The following PARM1 variants were observed in gnomAD, a reference collection of about 807,000 sequenced individuals.
The protein encoded by PARM1 is WSC4, cell wall integrity and stress response component 4 homolog.
In PARM1, 14 loss-of-function variants were observed where a neutral mutation model predicts 24.6. The observed-to-expected ratio is 0.57, with a 90% CI of 0.38 to 0.89. The LOEUF (loss-of-function observed/expected upper bound fraction) is 0.89, where lower values mean the gene tolerates loss of function less well. Among genes scored for constraint, PARM1 ranks in the 40% least tolerant of loss-of-function variants. The pLI, the probability that PARM1 is intolerant of heterozygous loss-of-function variation, is 0.00. For missense variants in PARM1, 362 were observed against 380.4 expected (o/e 0.95, Z 0.40); for synonymous variants, 179 against 156.6 (o/e 1.14, Z -1.07).
At chr4:75,035,204 C>T (rs931123745) in intron 3 of PARM1, among the ~76,000 whole-genome samples, 1 of 152,166 alleles carries the variant, frequency 6.6e-6, no homozygotes, top group Non-Finnish European at 1.5e-5. Context: ...TAAGTCTATC[C>T]TGGATGTGAC....
intron 1 of PARM1, among the ~76,000 whole-genome samples, chr4:74,951,693 T>G (rs1235182519): frequency 6.6e-6 from 1 of 152,124 alleles, no homozygotes; most frequent in African/African-American, 2.4e-5. Context: ...GGTGTTTGGT[T>G]TTCTGTTCCT....
At chr4:75,023,196 G>A (rs1578054565) in intron 2 of PARM1, among the ~76,000 whole-genome samples, 1 of 152,342 alleles carries the variant, frequency 6.6e-6, no homozygotes, top group African/African-American at 2.4e-5. Flanking sequence ...AGGCAAGAAT[G>A]TTAGTAACAG....
At chr4:74,971,113 T>A (rs568616190) in intron 1 of PARM1, among the ~76,000 whole-genome samples, 1 of 152,140 alleles carries the variant, frequency 6.6e-6, no homozygotes, top group Non-Finnish European at 1.5e-5. Context: ...ACAGGGCAAA[T>A]AAAGACATAT....
chr4:74,982,068 G>C (rs139402972), intron 1 of PARM1, among the ~76,000 whole-genome samples: 145 of 152,190 alleles, frequency 9.5e-4, no homozygotes, highest in African/African-American at 3.3e-3. Context: ...TGATAGACTA[G>C]ATAATGAAAA....
In PARM1 at chr4:74,993,920, C is replaced by T. The variant is rs183597313; in HGVS notation, c.44-18505C>T. ...GGTACTTTATTATACATCAATTATACCTCAAAAAATATAAATAAAAGTCTA... is the reference window on the plus strand; with the variant it reads ...GGTACTTTATTATACATCAATTATATCTCAAAAAATATAAATAAAAGTCTA... On this transcript the variant is annotated intron_variant, in intron 1 of 3. Coordinates refer to ENST00000307428, the MANE Select transcript of PARM1 (RefSeq NM_015393.4). The T allele has an allele frequency of 2.6e-5, 4 of 152,018 alleles. No homozygotes were observed. The East Asian group carries it at 5.8e-4, about 22-fold the overall frequency. 9.4% of individuals were successfully genotyped at this position (152,018 alleles called of 1,614,324 possible). A position where few individuals can be genotyped will look rare whatever the true frequency, so the allele number is the denominator to read the frequency against.
chr4:74,979,676 C>G (rs566658704), intron 1 of PARM1, among the ~76,000 whole-genome samples: 2 of 151,932 alleles, frequency 1.3e-5, no homozygotes, highest in South Asian at 4.2e-4. Flanking sequence ...AGGAAAACTT[C>G]AGGCCAACAT....
intron 3 of PARM1, among the ~76,000 whole-genome samples, chr4:75,039,016 C>T (rs1233264710): frequency 6.6e-6 from 1 of 152,180 alleles, no homozygotes; most frequent in East Asian, 1.9e-4. Flanking sequence ...ACCTATTTTG[C>T]TTTATGTCTT....
intron 1 of PARM1, among the ~76,000 whole-genome samples, chr4:74,934,383 CTG>C (rs778115461): frequency 2.0e-5 from 3 of 152,204 alleles, no homozygotes; most frequent in Non-Finnish European, 1.5e-5. Flanking sequence ...GTGCTTTAGT[CTG>C]TATATCCTCC....
intron 2 of PARM1, among the ~76,000 whole-genome samples, chr4:75,030,680 G>A (rs568643696): frequency 6.6e-6 from 1 of 152,258 alleles, no homozygotes; most frequent in South Asian, 2.1e-4. Context: ...CTTAATTTCT[G>A]CCCATTCCAG....
At chr4:75,035,082 G>A (rs557481080) in intron 3 of PARM1, among the ~76,000 whole-genome samples, 1 of 152,252 alleles carries the variant, frequency 6.6e-6, no homozygotes, top group African/African-American at 2.4e-5. Context: ...TCCATGAGAT[G>A]CTTGTCTTCT....
rs983239192 is a variant in PARM1, at chr4:74,989,083, C to T, written c.44-23342C>T. On this transcript the variant is annotated intron_variant, in intron 1 of 3. Coordinates refer to ENST00000307428, the MANE Select transcript of PARM1 (RefSeq NM_015393.4). ...AGTATTTTTTTCGTATTCTCTTTTA[C>T]GTCTTAATACAACACAGCACCTCCA... 3.9e-5 allele frequency among the ~76,000 whole-genome samples: 6 copies of T among 152,248 alleles called. No individual in the cohort carries two copies. The South Asian group carries it at 6.2e-4, about 16-fold the overall frequency.
intron 1 of PARM1, among the ~76,000 whole-genome samples, chr4:74,993,212 A>T (rs1722512973): frequency 6.6e-6 from 1 of 152,126 alleles, no homozygotes; most frequent in African/African-American, 2.4e-5. Flanking sequence ...CATTTTGTGT[A>T]CTGCCCTGTA....
Position 74,933,297 on chromosome 4 carries a change from C to T in PARM1, c.-31C>T, listed in dbSNP as rs1393896141. On this transcript the variant is annotated 5_prime_UTR_variant, in exon 1 of 4. Coordinates refer to ENST00000307428, the MANE Select transcript of PARM1 (RefSeq NM_015393.4). ...CAGTCCGCAAACTCCTTGCCGCCCG[C>T]CCCGGGCTGGGCACCAAATACCAGG... The T allele has an allele frequency of 1.2e-6, 2 of 1,603,862 alleles. No homozygotes were observed. The highest frequency in any genetic ancestry group is 3.4e-5 in the Admixed American group (2 of 59,130).
At chr4:74,994,799 T>TATAAATAA (rs3062355) in intron 1 of PARM1, among the ~76,000 whole-genome samples, 7,198 of 145,098 alleles carry the variant, frequency 0.05, 233 homozygotes, top group South Asian at 0.081. Flanking sequence ...TCTCAAAAAA[T>TATAAATAA]ATAAATAAAT....
intron 1 of PARM1, among the ~76,000 whole-genome samples, chr4:74,998,595 C>T (rs1341553433): frequency 6.6e-6 from 1 of 152,166 alleles, no homozygotes; most frequent in African/African-American, 2.4e-5. Context: ...TTATGAGGAA[C>T]ACTTTTTGCA....
At chr4:74,983,047 T>C (rs1722288902) in intron 1 of PARM1, among the ~76,000 whole-genome samples, 1 of 152,198 alleles carries the variant, frequency 6.6e-6, no homozygotes, top group South Asian at 2.1e-4. Context: ...CCAGATATTG[T>C]CTTGTATCTA....
Position 75,044,582 on chromosome 4 carries a change from G to A in PARM1, c.849-1581G>A, listed in dbSNP as rs1356164499. On this transcript the variant is annotated intron_variant, in intron 3 of 3. Coordinates refer to ENST00000307428, the MANE Select transcript of PARM1 (RefSeq NM_015393.4). ...TGGAGGTTACAGTCTAGTTCTGGAAGAGAAGCAATAACAAGTAAATTATAT... is the reference window on the plus strand; with the variant it reads ...TGGAGGTTACAGTCTAGTTCTGGAAAAGAAGCAATAACAAGTAAATTATAT... Among the ~76,000 whole-genome samples the A allele has an allele frequency of 3.9e-5, 6 of 152,294 alleles. No homozygotes were observed. The East Asian group carries it at 9.7e-4, about 25-fold the overall frequency.
At chr4:74,989,761 G>C (rs1250828343) in intron 1 of PARM1, among the ~76,000 whole-genome samples, 1 of 152,070 alleles carries the variant, frequency 6.6e-6, no homozygotes, top group Non-Finnish European at 1.5e-5. Flanking sequence ...GCTATCTAGA[G>C]TTGCCAGCCA....
intron 1 of PARM1, among the ~76,000 whole-genome samples, chr4:74,939,135 T>A (rs1431999941): frequency 6.6e-6 from 1 of 152,228 alleles, no homozygotes; most frequent in Non-Finnish European, 1.5e-5. Context: ...ACCATACTTT[T>A]GGCCTTTCAT....
Sources: gnomAD v4.1 joint callset for allele counts (sites outside exome capture counted in the v4.1 genomes callset) on GRCh38, gnomAD v4.1.1 for gene constraint, MANE v1.5 for transcripts, NCBI Gene and HGNC (gene_info 2026-07-23, HGNC 2026-07-21) for gene names.